The following GRIN2D variants were observed in gnomAD, a reference collection of about 807,000 sequenced individuals.
The protein encoded by GRIN2D is glutamate receptor ionotropic, NMDA 2D.
A neutral mutation model predicts 103.2 loss-of-function variants in GRIN2D; 37 were observed. The ratio of observed to expected loss-of-function variants is 0.36; its 90% CI spans 0.28 to 0.47. The LOEUF (loss-of-function observed/expected upper bound fraction) is 0.47. Among genes scored for constraint, GRIN2D ranks in the 20% least tolerant of loss-of-function variants. The pLI is 1.00. For synonymous variants in GRIN2D, 845 were observed against 885.6 expected (o/e 0.95, Z 0.81); for missense variants, 1,557 against 1,910.6 (o/e 0.81, Z 3.45).
intron 3 of GRIN2D, among the ~76,000 whole-genome samples, chr19:48,402,148 GAAAGAAAGAAAGAAAGAA>G (rs1569059091): frequency 2.8e-4 from 39 of 139,742 alleles, no homozygotes; most frequent in East Asian, 9.8e-4. Flanking sequence ...AAGAAAGAAA[GAAAGAAAGAAAGAAAGAA>G]AGAGAGAAAA....
At chr19:48,415,533 T>A (rs1600979432) in intron 7 of GRIN2D, among the ~76,000 whole-genome samples, 1 of 139,762 alleles carries the variant, frequency 7.2e-6, no homozygotes, top group African/African-American at 2.7e-5. Flanking sequence ...AGGAGGGACT[T>A]TGGAGCAGAG....
At position 48,443,386 on chromosome 19, in the gene GRIN2D, T is replaced by C. The variant is rs1184965619; in HGVS notation, c.3460T>C (p.Ser1154Pro). The C allele has an allele frequency of 3.4e-6, 5 of 1,464,856 alleles. No homozygotes were observed. The highest frequency in any genetic ancestry group is 4.5e-6 in the Non-Finnish European group (5 of 1,114,102). 90.7% of individuals were successfully genotyped at this position (1,464,856 alleles called of 1,614,324 possible). ...CGGGCCGCCGCCCGGCCGCTACTGG[T>C]CGGTCGACAAGCTCGGGGGCTGGCG... ...RLGPPPGRYW[S>P]VDKLGGWRAG... is the part of the protein sequence containing the mutation. The change falls in exon 14 of 14, where the codon TCG becomes CCG. Residue 1154 changes from serine to proline, a missense_variant. By Grantham distance (74) the Ser-to-Pro change is moderately conservative. Around this residue, in one of 7 missense-constraint regions of GRIN2D, gnomAD observed 632 missense variants for 572.8 expected, o/e 1.10. Transcript: ENST00000263269. The surrounding 1 kb of genome is among the most constrained non-coding windows in gnomAD (Gnocchi z 8.9).
Position 48,415,133 on chromosome 19 carries a change from A to T in GRIN2D, c.1581+101A>T, listed in dbSNP as rs896589270. On this transcript the variant is annotated intron_variant, in intron 7 of 13. Transcript: ENST00000263269. ...CGCCTGTAATCCCAGCACTTTGGGA[A>T]GCCGAGGCGGGCGAATTGCCTGAGC... The T allele has an allele frequency of 8.0e-6, 9 of 1,123,936 alleles. No individual in the cohort carries two copies. In the African/African-American group the frequency reaches 1.1e-4, roughly 14 times the overall value. The allele number at this position is 1,123,936 out of a possible 1,614,324, so 69.6% of individuals were successfully genotyped here. A position where few individuals can be genotyped will look rare whatever the true frequency, so the allele number is the denominator to read the frequency against.
At chr19:48,432,948 G>A (rs1385540813) in intron 11 of GRIN2D, among the ~76,000 whole-genome samples, 1 of 150,342 alleles carries the variant, frequency 6.7e-6, no homozygotes, top group Non-Finnish European at 1.5e-5. Context: ...CCGCAACCAT[G>A]CCCAGCTAAT....
intron 11 of GRIN2D, among the ~76,000 whole-genome samples, chr19:48,436,543 T>TA (rs1359132233): frequency 2.6e-5 from 4 of 152,224 alleles, no homozygotes; most frequent in Non-Finnish European, 5.9e-5. Flanking sequence ...AAAGGTAGAC[T>TA]AGTCCCCAGG....
chr19:48,415,047 G>A lies in GRIN2D; in HGVS notation c.1581+15G>A. 2 of 1,562,224 alleles carry A rather than the reference G, an allele frequency of 1.3e-6. No individual in the cohort carries two copies. The highest frequency in any genetic ancestry group is 1.7e-6 in the Non-Finnish European group (2 of 1,149,546). ...TGATCGGGGAGGTGAGGGGGCGGAC[G>A]GGAGGCGGGGAATCTTCGGGGCGGA... On this transcript the variant is annotated intron_variant, in intron 7 of 13. Coordinates refer to ENST00000263269, the MANE Select transcript of GRIN2D (RefSeq NM_000836.4).
At chr19:48,403,844 C>T (rs1970747814) in intron 3 of GRIN2D, among the ~76,000 whole-genome samples, 1 of 152,194 alleles carries the variant, frequency 6.6e-6, no homozygotes, top group Non-Finnish European at 1.5e-5. Flanking sequence ...CTGTAGTTCC[C>T]TTACCGGATG....
At position 48,405,471 on chromosome 19, in the gene GRIN2D, T is replaced by C; in HGVS notation, c.1085+118T>C. 2 of 1,080,438 alleles carry C rather than the reference T, an allele frequency of 1.9e-6. No individual in the cohort carries two copies. The highest frequency in any genetic ancestry group is 2.5e-6 in the Non-Finnish European group (2 of 792,894). The allele number at this position is 1,080,438 out of a possible 1,614,324, so 66.9% of individuals were successfully genotyped here. A position where few individuals can be genotyped will look rare whatever the true frequency, so the allele number is the denominator to read the frequency against. The stretch of plus-strand genomic sequence containing the variant: ...CTGCTCTTTGAGCCTCAGTTTTCTT[T>C]TCTGTAAAGTGGGTGCAATTGGGTC... On this transcript the variant is annotated intron_variant, in intron 4 of 13. Transcript: ENST00000263269. This position sits in a 1 kb window ranked among gnomAD's most constrained non-coding sequence, Gnocchi z 5.1.
intron 4 of GRIN2D, among the ~76,000 whole-genome samples, chr19:48,409,314 T>C (rs1032107328): frequency 7.5e-5 from 11 of 146,398 alleles, no homozygotes; most frequent in African/African-American, 2.8e-4. Context: ...AGTCTCACTC[T>C]GTTGCCCAGG....
At chr19:48,420,285 G>A (rs886896448) in intron 10 of GRIN2D, among the ~76,000 whole-genome samples, 3 of 151,628 alleles carry the variant, frequency 2.0e-5, no homozygotes, top group East Asian at 3.9e-4. Context: ...AAAATTAGCC[G>A]GGCGTGGTGA....
At chr19:48,412,913 T>G (rs1231382914) in intron 4 of GRIN2D, among the ~76,000 whole-genome samples, 1 of 146,530 alleles carries the variant, frequency 6.8e-6, no homozygotes, top group African/African-American at 2.5e-5. Context: ...GGTGGATCAC[T>G]GAGGCTGAGG....
intron 11 of GRIN2D, among the ~76,000 whole-genome samples, chr19:48,440,214 GA>G (rs898135808): frequency 9.4e-5 from 14 of 148,914 alleles, no homozygotes; most frequent in Middle Eastern, 3.4e-3. Context: ...TCGGTCTCAA[GA>G]AAAAAAAAAT....
intron 11 of GRIN2D, among the ~76,000 whole-genome samples, chr19:48,434,003 C>T (rs1427073629): frequency 2.0e-5 from 3 of 150,366 alleles, no homozygotes; most frequent in African/African-American, 4.9e-5. Flanking sequence ...GGCTGGAGTG[C>T]AGTGGCGCGA....
At position 48,442,846 on chromosome 19, in the gene GRIN2D, G is replaced by C. The variant is rs1355709399; in HGVS notation, c.2920G>C (p.Gly974Arg). Reference protein sequence around the residue: ...YYGPIEPQGLGLGLGEARAAP... With the variant: ...YYGPIEPQGLRLGLGEARAAP... Reference sequence around the variant, plus strand: ...CGGCCCCATCGAGCCGCAGGGCCTAGGCCTCGGCCTGGGCGAAGCGCGCGC... The same window carrying C: ...CGGCCCCATCGAGCCGCAGGGCCTACGCCTCGGCCTGGGCGAAGCGCGCGC... The change falls in exon 14 of 14, where the codon GGC becomes CGC. Residue 974 changes from glycine (G) to arginine (R), a missense_variant. Gly to Arg is a moderately radical substitution (Grantham distance 125). Coordinates refer to ENST00000263269, the MANE Select transcript of GRIN2D (RefSeq NM_000836.4). The surrounding 1 kb of genome is among the most constrained non-coding windows in gnomAD (Gnocchi z 7.2). 3 of 1,083,616 alleles carry C rather than the reference G, an allele frequency of 2.8e-6. No individual in the cohort carries two copies. Among genetic ancestry groups the C allele is most frequent in the Non-Finnish European group, 3.4e-6 (3 of 895,256 alleles). 67.1% of individuals were successfully genotyped at this position (1,083,616 alleles called of 1,614,324 possible). A position where few individuals can be genotyped will look rare whatever the true frequency, so the allele number is the denominator to read the frequency against.
At chr19:48,423,409 T>A (rs1971046772) in intron 11 of GRIN2D, among the ~76,000 whole-genome samples, 1 of 151,978 alleles carries the variant, frequency 6.6e-6, no homozygotes, top group Non-Finnish European at 1.5e-5. Flanking sequence ...AAATGAACAA[T>A]AAACATGCAA....
Position 48,415,983 on chromosome 19 carries a change from C to T in GRIN2D, c.1582-19C>T, listed in dbSNP as rs1324479683. 4 of 1,609,880 alleles carry T rather than the reference C, an allele frequency of 2.5e-6. No homozygotes were observed. The highest frequency in any genetic ancestry group is 3.4e-6 in the Non-Finnish European group (4 of 1,177,986). ...TTGAGCCGGGTTCCCCCGCCCACTCCTCATCGCCCCCACCCCAGGTGTTCT... is the reference window on the plus strand; with the variant it reads ...TTGAGCCGGGTTCCCCCGCCCACTCTTCATCGCCCCCACCCCAGGTGTTCT... On this transcript the variant is annotated intron_variant, in intron 7 of 13. Coordinates refer to ENST00000263269, the MANE Select transcript of GRIN2D (RefSeq NM_000836.4).
At chr19:48,408,730 G>A (rs1970820392) in intron 4 of GRIN2D, among the ~76,000 whole-genome samples, 1 of 150,742 alleles carries the variant, frequency 6.6e-6, no homozygotes, top group Non-Finnish European at 1.5e-5. Flanking sequence ...TGAGGCAGGA[G>A]AATCACTTGA....
chr19:48,419,460 G>C, intron 9 of GRIN2D, 101 bp downstream of exon 9: 2 of 1,450,216 alleles, frequency 1.4e-6, no homozygotes, highest in Non-Finnish European at 1.9e-6. Flanking sequence ...GGTCAAGCTA[G>C]GGCCTCTCGG....
intron 4 of GRIN2D, among the ~76,000 whole-genome samples, chr19:48,409,089 A>G (rs1483783729): frequency 6.6e-6 from 1 of 151,926 alleles, no homozygotes; most frequent in Admixed American, 6.6e-5. Flanking sequence ...GCATCATTAC[A>G]TGAGGGAAGG....
Sources: allele counts gnomAD v4.1 joint callset (sites outside exome capture counted in the v4.1 genomes callset), GRCh38; gene constraint gnomAD v4.1.1; regional missense constraint gnomAD v4.1.1; non-coding constraint Gnocchi (gnomAD v3.1); transcripts MANE v1.5; gene names NCBI Gene and HGNC (gene_info 2026-07-23, HGNC 2026-07-21).